Variants in MCMBP observed in about 807,000 individuals in gnomAD.
MCMBP encodes the protein mini-chromosome maintenance complex-binding protein.
Under a neutral mutation model 81.3 loss-of-function variants are expected in MCMBP, and 31 were observed. The ratio of observed to expected loss-of-function variants is 0.38; its 90% CI spans 0.29 to 0.51. The LOEUF is 0.51. Among genes scored for constraint, MCMBP ranks in the 20% least tolerant of loss-of-function variants. The pLI is 0.87. For synonymous variants in MCMBP, 267 were observed against 275.9 expected (o/e 0.97, Z 0.32); for missense variants, 645 against 772.1 (o/e 0.84, Z 1.95).
At chr10:119,841,465 G>T (rs1257506556) in intron 10 of MCMBP, among the ~76,000 whole-genome samples, 1 of 152,216 alleles carries the variant, frequency 6.6e-6, no homozygotes, top group African/African-American at 2.4e-5. Context: ...TTAGGGAAAT[G>T]GTTACAGTAT....
rs35175048 is a variant in MCMBP, at chr10:119,853,070, T to C, written c.554A>G (p.His185Arg). The C allele has an allele frequency of 1.8e-4, 287 of 1,614,066 alleles. No individual in the cohort carries two copies. Among genetic ancestry groups the C allele is most frequent in the Admixed American group, 8.3e-5 (5 of 60,012 alleles). Residue 185 changes from histidine (H) to arginine (R), a missense_variant, in exon 6 of 16, where the codon CAT (histidine) becomes CGT (arginine). Coordinates refer to ENST00000369077, the MANE Select transcript of MCMBP (RefSeq NM_001256378.2). Reference protein sequence around the residue: ...DLQPNKQKDQHAGARQAGSVG... With the variant: ...DLQPNKQKDQRAGARQAGSVG... ...ACTACCTGCTTGTCTGGCACCTGCA[T>C]GTTGGTCTTTCTGCTTATTGGGCTG...
chr10:119,853,822 T>C (rs1852923090), intron 5 of MCMBP, among the ~76,000 whole-genome samples: 1 of 152,204 alleles, frequency 6.6e-6, no homozygotes, highest in South Asian at 2.1e-4. Flanking sequence ...CTAGTCATCC[T>C]AGGCATTTGG....
At chr10:119,850,874 G>GTTTTT (rs1284100421) in intron 6 of MCMBP, among the ~76,000 whole-genome samples, 38 of 130,538 alleles carry the variant, frequency 2.9e-4, no homozygotes, top group South Asian at 9.6e-4. Flanking sequence ...TACAAGATCT[G>GTTTTT]TTTTTTTTTT....
At chr10:119,859,987 T>A in intron 1 of MCMBP, 103 bp from the exon 2 acceptor site, 1 of 762,324 alleles carries the variant, frequency 1.3e-6, no homozygotes, top group Non-Finnish European at 2.1e-6. Context: ...AAAAACAAAC[T>A]AAAATTAGCT....
intron 12 of MCMBP, among the ~76,000 whole-genome samples, chr10:119,838,214 CATTAT>C (rs1162722098): frequency 6.8e-6 from 1 of 147,742 alleles, no homozygotes; most frequent in East Asian, 1.9e-4. Context: ...ATTATTGCTC[CATTAT>C]ATAATATATA....
chr10:119,863,789 C>G (rs1456335638), intron 1 of MCMBP, among the ~76,000 whole-genome samples: 4 of 106,766 alleles, frequency 3.7e-5, no homozygotes, highest in Non-Finnish European at 5.8e-5. Context: ...CAGGAATAAA[C>G]CTTGAAAACA....
At chr10:119,847,014 C>G (rs746640255) in intron 8 of MCMBP, among the ~76,000 whole-genome samples, 13 of 151,980 alleles carry the variant, frequency 8.6e-5, no homozygotes, top group Non-Finnish European at 1.8e-4. Context: ...TATGAGTTAA[C>G]AATTCTGAAA....
At chr10:119,853,242 TA>T in intron 5 of MCMBP, 48 bp from the exon 6 acceptor site, 1 of 1,554,904 alleles carries the variant, frequency 6.4e-7, no homozygotes, top group African/African-American at 1.4e-5. Flanking sequence ...AGGAATATCC[TA>T]AAGTTTTGCT....
chr10:119,871,807 A>T (rs1364068629), intron 1 of MCMBP, among the ~76,000 whole-genome samples: 1 of 152,182 alleles, frequency 6.6e-6, no homozygotes, highest in Non-Finnish European at 1.5e-5. Flanking sequence ...CAACAAATAT[A>T]AACTTTTCTT....
At chr10:119,849,218 C>T (rs1182436259) in intron 7 of MCMBP, among the ~76,000 whole-genome samples, 1 of 152,200 alleles carries the variant, frequency 6.6e-6, no homozygotes, top group Non-Finnish European at 1.5e-5. Context: ...GCCCTGCTGG[C>T]ACCTCGAGTT....
At chr10:119,846,252 A>C (rs116340025) in intron 8 of MCMBP, among the ~76,000 whole-genome samples, 1,881 of 151,894 alleles carry the variant, frequency 0.012, 34 homozygotes, top group African/African-American at 0.044. Flanking sequence ...ATCTGGGAAA[A>C]TTTGGGTCTC....
At chr10:119,857,516 T>C in intron 4 of MCMBP, 77 bp from the exon 5 acceptor site, 1 of 837,768 alleles carries the variant, frequency 1.2e-6, no homozygotes, top group African/African-American at 1.7e-5. Context: ...AGCAACCACA[T>C]TTTCACATTA....
intron 10 of MCMBP, among the ~76,000 whole-genome samples, chr10:119,841,809 C>T (rs756498595): frequency 2.6e-5 from 4 of 152,214 alleles, no homozygotes; most frequent in Non-Finnish European, 2.9e-5. Context: ...TCAATGTCCA[C>T]GTTAAACGTG....
intron 1 of MCMBP, among the ~76,000 whole-genome samples, chr10:119,863,527 A>G (rs1262077820): frequency 6.6e-6 from 1 of 151,698 alleles, no homozygotes; most frequent in East Asian, 1.9e-4. Context: ...TCAGGAGTTC[A>G]AGACCAGCCT....
chr10:119,869,434 T>C (rs1397141790), intron 1 of MCMBP, among the ~76,000 whole-genome samples: 1 of 152,188 alleles, frequency 6.6e-6, no homozygotes, highest in African/African-American at 2.4e-5. Context: ...TAGCTGGGCA[T>C]GGTGGCATGC....
chr10:119,872,445 GGGGGCCGCGCGGCGGGGCCCTGCCCC>G (rs1411631280), intron 1 of MCMBP, 56 bp downstream of exon 1: 4 of 865,604 alleles, frequency 4.6e-6, no homozygotes, highest in African/African-American at 3.6e-5. Flanking sequence ...GGTACCGCGT[GGGGGCCGCGCGGCGGGGCCCTGCCCC>G]GGGGCCCGGC....
chr10:119,862,892 C>T (rs12780372), intron 1 of MCMBP, among the ~76,000 whole-genome samples: 8,332 of 152,282 alleles, frequency 0.055, 425 homozygotes, highest in South Asian at 0.27. Context: ...TTGCATTTCC[C>T]TAATGGCTAA....
chr10:119,843,907 C>T (rs1852525733), intron 8 of MCMBP, among the ~76,000 whole-genome samples: 5 of 152,080 alleles, frequency 3.3e-5, no homozygotes, highest in Admixed American at 3.3e-4. Flanking sequence ...AGTGATCTGC[C>T]TGCCTTGGCC....
intron 1 of MCMBP, among the ~76,000 whole-genome samples, chr10:119,860,765 G>A (rs966065874): frequency 5.9e-5 from 9 of 152,174 alleles, no homozygotes; most frequent in African/African-American, 1.7e-4. Context: ...ATCTGGATCT[G>A]TTGGTTCCCT....
Sources: allele counts gnomAD v4.1 joint callset (sites outside exome capture counted in the v4.1 genomes callset), GRCh38; gene constraint gnomAD v4.1.1; transcripts MANE v1.5; gene names NCBI Gene and HGNC (gene_info 2026-07-23, HGNC 2026-07-21).